The following STAMBP variants were observed in gnomAD, a reference collection of about 807,000 sequenced individuals.
STAMBP encodes the protein STAM-binding protein.
In STAMBP, 31 loss-of-function variants were observed where a neutral mutation model predicts 50.7. The ratio of observed to expected loss-of-function variants is 0.61; its 90% CI spans 0.46 to 0.83. The LOEUF is 0.83. Among genes scored for constraint, STAMBP ranks in the 40% least tolerant of loss-of-function variants. The pLI is 0.00. For missense variants in STAMBP, 472 were observed against 518.9 expected, an observed-to-expected ratio of 0.91 and a Z score of 0.88; for synonymous variants, 211 against 192.4, an observed-to-expected ratio of 1.10 and a Z score of -0.80.
chr2:73,843,189 T>G (rs978963182), intron 2 of STAMBP, among the ~76,000 whole-genome samples: 7 of 124,974 alleles, frequency 5.6e-5, no homozygotes, highest in African/African-American at 2.9e-4. Context: ...TTTTATATCT[T>G]TCTTTTTTTT....
At chr2:73,841,266 C>G (rs1675354112) in intron 2 of STAMBP, among the ~76,000 whole-genome samples, 1 of 152,056 alleles carries the variant, frequency 6.6e-6, no homozygotes, top group Non-Finnish European at 1.5e-5. Context: ...AACTTTGAAC[C>G]ATGTAATGGA....
chr2:73,859,191 C>A (rs1238218648), intron 7 of STAMBP, 63 bp from the exon 8 acceptor site: 2 of 1,354,992 alleles, frequency 1.5e-6, no homozygotes, highest in Non-Finnish European at 2.1e-6. Flanking sequence ...AAGGGAATCG[C>A]AAATAAGGAG....
chr2:73,873,420 G>C (rs1344944022), exon 11 of STAMBP: 2 of 152,218 alleles, frequency 1.3e-5, no homozygotes, highest in Non-Finnish European at 2.9e-5. Context: ...CAGTGGAGAA[G>C]GAGCTTGCAG....
At chr2:73,841,942 G>C (rs1489874519) in intron 2 of STAMBP, among the ~76,000 whole-genome samples, 1 of 152,108 alleles carries the variant, frequency 6.6e-6, no homozygotes, top group African/African-American at 2.4e-5. Flanking sequence ...TCATGTACAG[G>C]TCTGGGAGGT....
intron 8 of STAMBP, 75 bp from the exon 9 acceptor site, chr2:73,859,955 CTGTGTGAGTGTGCATGCTGGTG>C (rs925065421): frequency 2.5e-6 from 2 of 807,796 alleles, no homozygotes; most frequent in African/African-American, 1.7e-5. Context: ...CTCTGCCCTG[CTGTGTGAGTGTGCATGCTGGTG>C]TGTGTGTGCG....
intron 5 of STAMBP, among the ~76,000 whole-genome samples, chr2:73,848,360 C>T: frequency 6.6e-6 from 1 of 152,124 alleles, no homozygotes; most frequent in Non-Finnish European, 1.5e-5. Context: ...CATTTAACTT[C>T]TTCCAGAAGA....
chr2:73,861,679 G>A (rs1029598531), intron 9 of STAMBP, among the ~76,000 whole-genome samples: 2 of 148,444 alleles, frequency 1.3e-5, no homozygotes, highest in African/African-American at 2.6e-5. Context: ...CCGCCACACC[G>A]GGTTAAATTT....
chr2:73,855,710 G>A (rs1424912409), intron 7 of STAMBP: 3 of 455,984 alleles, frequency 6.6e-6, no homozygotes, highest in Non-Finnish European at 1.3e-5. Flanking sequence ...ACACGTTCCT[G>A]TCCTGAAGGC....
In STAMBP at chr2:73,849,495, G is replaced by T. The variant is rs199961103; in HGVS notation, c.867+8G>T. The stretch of plus-strand genomic sequence containing the variant: ...ATTCTCTGTGGAAAACTGGTAAAAA[G>T]AAAAAAAAAACCAAACTCTTCTCTG... On this transcript the variant is annotated splice_region_variant and intron_variant, in intron 6 of 9. Coordinates refer to ENST00000394070, the MANE Select transcript of STAMBP (RefSeq NM_213622.4). 46 of 1,425,940 alleles carry T rather than the reference G, an allele frequency of 3.2e-5. No individual in the cohort carries two copies. The highest frequency in any genetic ancestry group is 1.9e-4 in the Middle Eastern group (1 of 5,372). 88.3% of individuals were successfully genotyped at this position (1,425,940 alleles called of 1,614,324 possible).
intron 7 of STAMBP, among the ~76,000 whole-genome samples, chr2:73,858,957 AC>A (rs1677941481): frequency 6.6e-6 from 1 of 151,128 alleles, no homozygotes; most frequent in Non-Finnish European, 1.5e-5. Context: ...ATAGTACCAA[AC>A]CCTATATATG....
chr2:73,869,044 C>G (rs1404887913), downstream of STAMBP, among the ~76,000 whole-genome samples: 2 of 152,082 alleles, frequency 1.3e-5, no homozygotes, highest in African/African-American at 2.4e-5. Flanking sequence ...ATAATCTAAC[C>G]AATGCAGTGA....
At chr2:73,840,746 AAAAAAAAAAATAAATAAATC>A (rs1241262657) in intron 2 of STAMBP, among the ~76,000 whole-genome samples, 1 of 150,668 alleles carries the variant, frequency 6.6e-6, no homozygotes, top group Non-Finnish European at 1.5e-5. Flanking sequence ...TCTGTCTCAA[AAAAAAAAAAATAAATAAATC>A]AAAAAAAAAA....
chr2:73,839,348 C>T (rs1406447806), intron 2 of STAMBP, among the ~76,000 whole-genome samples: 1 of 152,172 alleles, frequency 6.6e-6, no homozygotes, highest in Admixed American at 6.5e-5. Flanking sequence ...TCTTTCACAG[C>T]TTTTTATGGT....
downstream of STAMBP, among the ~76,000 whole-genome samples, chr2:73,870,671 T>C (rs1573437735): frequency 6.6e-6 from 1 of 152,286 alleles, no homozygotes; most frequent in South Asian, 2.1e-4. Flanking sequence ...TTCTTAGATA[T>C]CCCTCCATAA....
chr2:73,846,519 G>A (rs536873086), intron 4 of STAMBP, among the ~76,000 whole-genome samples: 19 of 151,914 alleles, frequency 1.3e-4, no homozygotes, highest in South Asian at 2.1e-4. Flanking sequence ...TCAGCTACTC[G>A]GGAGGCTGAG....
chr2:73,866,891 A>C lies in STAMBP; in HGVS notation c.*4632A>C, dbSNP rs1245957244. On this transcript the variant is annotated 3_prime_UTR_variant, in exon 10 of 10. Coordinates refer to ENST00000394070, the MANE Select transcript of STAMBP (RefSeq NM_213622.4). The stretch of plus-strand genomic sequence containing the variant: ...GGCTCAGAAGAGGTTTGCTGGGTTA[A>C]ATCTCAAGATGAGCCCATGAGATCT... 6.6e-6 allele frequency: 1 copy of C among 152,224 alleles called. No homozygotes were observed. Among genetic ancestry groups the C allele is most frequent in the Non-Finnish European group, 1.5e-5 (1 of 68,054 alleles). 9.4% of individuals were successfully genotyped at this position (152,224 alleles called of 1,614,324 possible).
intron 2 of STAMBP, among the ~76,000 whole-genome samples, chr2:73,832,204 C>G (rs112095982): frequency 6.2e-4 from 94 of 151,274 alleles, no homozygotes; most frequent in Non-Finnish European, 1.2e-3. Context: ...CCTGTAATCC[C>G]AGCACTTTGG....
downstream of STAMBP, among the ~76,000 whole-genome samples, chr2:73,868,099 G>C (rs1470067226): frequency 6.6e-6 from 1 of 150,846 alleles, no homozygotes; most frequent in East Asian, 1.9e-4. Flanking sequence ...GCTCCAGCCT[G>C]GGCAACAAGA....
chr2:73,855,290 C>T (rs77493111), intron 7 of STAMBP, among the ~76,000 whole-genome samples: 1,685 of 152,306 alleles, frequency 0.011, 11 homozygotes, highest in South Asian at 0.026. Context: ...TCTGCTCCTT[C>T]GGTATATTGT....
Sources: allele counts gnomAD v4.1 joint callset (sites outside exome capture counted in the v4.1 genomes callset), GRCh38; gene constraint gnomAD v4.1.1; transcripts MANE v1.5; gene names NCBI Gene and HGNC (gene_info 2026-07-23, HGNC 2026-07-21).